The following CTC1 variants were observed in gnomAD, a reference collection of about 807,000 sequenced individuals.
CTC1 encodes the protein CST complex subunit CTC1.
In CTC1, 91 loss-of-function variants were observed where a neutral mutation model predicts 136.3. The ratio of observed to expected loss-of-function variants is 0.67; its 90% CI spans 0.56 to 0.79. CTC1 has a LOEUF of 0.79. CTC1 is among the 30% of genes least tolerant of loss of function. The pLI is 0.00. For missense variants in CTC1, 1,432 were observed against 1,498.1 expected (o/e 0.96, Z 0.73); for synonymous variants, 606 against 613.8 (o/e 0.99, Z 0.19).
Position 8,230,335 on chromosome 17 carries a change from T to G in CTC1, c.2892A>C (p.Gly964=). 1 of 1,613,898 alleles carries G rather than the reference T, an allele frequency of 6.2e-7. No individual in the cohort carries two copies. Among genetic ancestry groups the G allele is most frequent in the Non-Finnish European group, 8.5e-7 (1 of 1,179,954 alleles). The change falls in exon 17 of 23, where the codon GGA becomes GGC. Residue 964 remains glycine (G), a synonymous_variant. Coordinates refer to ENST00000651323, the MANE Select transcript of CTC1 (RefSeq NM_025099.6). Reference sequence around the variant, plus strand: ...CCAACTGGCTGAAGTGGACCCGGGCTCCTGGAAGTAGTCCTAGTGAGGGAG... The same window carrying G: ...CCAACTGGCTGAAGTGGACCCGGGCGCCTGGAAGTAGTCCTAGTGAGGGAG... ...HLPPSLGLLP[G]ARVHFSQLEK...
chr17:8,237,298 C>G (rs1324650416), intron 5 of CTC1, 77 bp downstream of exon 5: 23 of 1,542,238 alleles, frequency 1.5e-5, no homozygotes, highest in Non-Finnish European at 2.1e-5. Flanking sequence ...CATGGCTCCT[C>G]CTATGATGCT....
chr17:8,229,758 A>C, intron 18 of CTC1, 133 bp downstream of exon 18: 1 of 723,664 alleles, frequency 1.4e-6, no homozygotes, highest in Non-Finnish European at 2.4e-6. Context: ...GGAGTAGAGA[A>C]GCTCCTCTGA....
chr17:8,234,573 A>G lies in CTC1; in HGVS notation c.1700T>C (p.Phe567Ser), dbSNP rs2151517400. 6.2e-7 allele frequency: 1 copy of G among 1,603,290 alleles called. No homozygotes were observed. The highest frequency in any genetic ancestry group is 1.3e-5 in the African/African-American group (1 of 74,958). Residue 567 changes from phenylalanine (F) to serine (S), a missense_variant, in exon 10 of 23, where the codon TTT (phenylalanine) becomes TCT (serine). Phe to Ser is a radical substitution (Grantham distance 155, BLOSUM62 -2). Transcript: ENST00000651323. ...GAGGGGCAGAAGGGCCTTAGGGTCA[A>G]AGGAGGCCCAGGCCTTACGCTGTCC... ...EEGQRKAWAS[F>S]DPKALLPLPE...
At position 8,237,377 on chromosome 17, in the gene CTC1, G is replaced by A. The variant is rs1987819153; in HGVS notation, c.790C>T (p.Gln264Ter). The stretch of plus-strand genomic sequence containing the variant: ...GCTGAAATGACCCCAGTCCTCACCT[G>A]CACGATGATGGACACGTGGGTGACA... The part of the protein sequence containing the change: ...PAVTHVSIIV[Q>*]VPAQLVWHRA... Residue 264 changes from glutamine (Q) to a stop codon, truncating the protein, a stop_gained and splice_region_variant, in exon 5 of 23, where the codon CAG (glutamine) becomes TAG (stop). Transcript: ENST00000651323. LOFTEE classifies it high-confidence loss of function. 1 of 1,613,986 alleles carries A rather than the reference G, an allele frequency of 6.2e-7. No homozygotes were observed. Among genetic ancestry groups the A allele is most frequent in the Non-Finnish European group, 8.5e-7 (1 of 1,179,996 alleles).
intron 18 of CTC1, 109 bp from the exon 19 acceptor site, chr17:8,229,555 C>T (rs1157194026): frequency 2.2e-6 from 2 of 906,908 alleles, no homozygotes; most frequent in Non-Finnish European, 3.5e-6. Flanking sequence ...AGGATGGGGA[C>T]AGCAGTGGGT....
At chr17:8,235,663 T>C (rs1987651566) in intron 7 of CTC1, among the ~76,000 whole-genome samples, 168 bp downstream of exon 7, 1 of 152,206 alleles carries the variant, frequency 6.6e-6, no homozygotes, top group Admixed American at 6.5e-5. Flanking sequence ...AAGACTCTAC[T>C]CCTTTTTATT....
Position 8,235,949 on chromosome 17 carries a change from G to C in CTC1, c.1088C>G (p.Thr363Ser), listed in dbSNP as rs766468413. ...SRLLSYSGAV[T>S]GVLNEPAGLY... Reference sequence around the variant, plus strand: ...GCCAGCGGGCTCATTCAACACGCCAGTGACTGCTCCCTGCAAACAGGCCGA... The same window carrying C: ...GCCAGCGGGCTCATTCAACACGCCACTGACTGCTCCCTGCAAACAGGCCGA... Residue 363 changes from threonine (T) to serine (S), a missense_variant, in exon 7 of 23, where the codon ACT becomes AGT. Thr to Ser is a moderately conservative substitution (Grantham distance 58, BLOSUM62 1). Coordinates refer to ENST00000651323, the MANE Select transcript of CTC1 (RefSeq NM_025099.6). The C allele has an allele frequency of 3.1e-6, 5 of 1,607,498 alleles. No individual in the cohort carries two copies. The highest frequency in any genetic ancestry group is 4.3e-6 in the Non-Finnish European group (5 of 1,174,888).
Position 8,235,254 on chromosome 17 carries a change from C to T in CTC1, c.1238G>A (p.Gly413Glu). 1 of 1,614,028 alleles carries T rather than the reference C, an allele frequency of 6.2e-7. No individual in the cohort carries two copies. The highest frequency in any genetic ancestry group is 8.5e-7 in the Non-Finnish European group (1 of 1,179,968). ...GAGCACTGGCCTTCTTGTCCCCCCT[C>T]CCACTGACTGGAGCAGGTGAACATC... is the stretch of plus-strand genomic sequence containing the variant. ...LQDVHLLQSV[G>E]GGTRRPVLAP... The change falls in exon 8 of 23, where the codon GGA becomes GAA. Residue 413 changes from glycine (G) to glutamate (E), a missense_variant. By Grantham distance (98) the Gly-to-Glu change is moderately conservative. Transcript: ENST00000651323.
chr17:8,240,237 C>T (rs1259201286), intron 2 of CTC1, among the ~76,000 whole-genome samples: 2 of 151,678 alleles, frequency 1.3e-5, no homozygotes, highest in Non-Finnish European at 2.9e-5. Context: ...TCACTGCAAC[C>T]TCCGCCTGCC....
rs886053599 is a variant in CTC1, at chr17:8,226,638, G to A, written c.*1542C>T. The A allele has an allele frequency of 1.3e-5, 2 of 151,648 alleles. No homozygotes were observed. Among genetic ancestry groups the A allele is most frequent in the Non-Finnish European group, 2.9e-5 (2 of 68,032 alleles). 9.4% of individuals were successfully genotyped at this position (151,648 alleles called of 1,614,324 possible). The stretch of plus-strand genomic sequence containing the variant: ...AGTCGGCAGGATTCGAACCTGCGCG[G>A]GGAGACCCCAATGGATTTCTAGTCC... On this transcript the variant is annotated 3_prime_UTR_variant, in exon 23 of 23. Coordinates refer to ENST00000651323, the MANE Select transcript of CTC1 (RefSeq NM_025099.6).
intron 5 of CTC1, 131 bp from the exon 6 acceptor site, chr17:8,236,473 C>T (rs1309835069): frequency 2.3e-6 from 2 of 881,222 alleles, no homozygotes; most frequent in Non-Finnish European, 3.4e-6. Flanking sequence ...CTCCATCTTC[C>T]CTATGTCTGC....
chr17:8,231,845 T>A, intron 13 of CTC1, 30 bp from the exon 14 acceptor site: 1 of 1,613,770 alleles, frequency 6.2e-7, no homozygotes, highest in Non-Finnish European at 8.5e-7. Flanking sequence ...AGTGCTGGGA[T>A]CCTAGCCAGA....
intron 2 of CTC1, among the ~76,000 whole-genome samples, chr17:8,240,150 C>CTG (rs1416184363): frequency 9.1e-5 from 13 of 143,200 alleles, no homozygotes; most frequent in Non-Finnish European, 2.0e-4. Flanking sequence ...CCAGAGAGAA[C>CTG]TGTCTCTTTT....
chr17:8,229,579 A>G, intron 18 of CTC1, 133 bp from the exon 19 acceptor site: 1 of 738,896 alleles, frequency 1.4e-6, no homozygotes, highest in Non-Finnish European at 2.3e-6. Flanking sequence ...ATGCGCTCCT[A>G]GAAGCCCCAT....
intron 9 of CTC1, 43 bp from the exon 10 acceptor site, chr17:8,234,698 C>A (rs779802603): frequency 6.3e-7 from 1 of 1,585,136 alleles, no homozygotes; most frequent in Admixed American, 1.7e-5. Flanking sequence ...TCCCATGGGC[C>A]CCAGGTGTCC....
At chr17:8,237,183 A>C (rs1346542602) in intron 5 of CTC1, among the ~76,000 whole-genome samples, 192 bp downstream of exon 5, 1 of 152,156 alleles carries the variant, frequency 6.6e-6, no homozygotes, top group African/African-American at 2.4e-5. Flanking sequence ...TGAGTTGCAC[A>C]GCGGGAAAGT....
rs1335870783 is a variant in CTC1, at chr17:8,231,314, T to A, written c.2631A>T (p.Ser877=). 6 of 1,599,136 alleles carry A rather than the reference T, an allele frequency of 3.8e-6. No homozygotes were observed. In the South Asian group the frequency reaches 5.5e-5, roughly 15 times the overall value. The change falls in exon 15 of 23, where the codon TCA becomes TCT. Residue 877 remains serine, a synonymous_variant. Coordinates refer to ENST00000651323, the MANE Select transcript of CTC1 (RefSeq NM_025099.6). ...GGTCGGTCAGTGAGGATTCAGGCAA[T>A]GACTTGTTTGCATCCAGCACATCTT... ...DIQDVLDANK[S]LPESSLTDLL...
rs1291350645 is a variant in CTC1, at chr17:8,238,168, C to T, written c.510G>A (p.Arg170=). The T allele has an allele frequency of 6.2e-7, 1 of 1,614,074 alleles. No individual in the cohort carries two copies. Among genetic ancestry groups the T allele is most frequent in the Non-Finnish European group, 8.5e-7 (1 of 1,179,946 alleles). ...AGTGCCCTTCCCCTGAGGAATTCCA[C>T]CTGGCAGGAGGGAGGTAACTCCAAC... The part of the protein sequence containing the change: ...FPRWSYLPPA[R]WNSSGEGHLE... The change falls in exon 4 of 23, where the codon AGG becomes AGA. Residue 170 remains arginine, a synonymous_variant. Coordinates refer to ENST00000651323, the MANE Select transcript of CTC1 (RefSeq NM_025099.6).
Position 8,248,031 on chromosome 17 carries a change from C to A in CTC1, c.6G>T (p.Ala2=), listed in dbSNP as rs777656768. Residue 2 remains alanine (A), a synonymous_variant, in exon 1 of 23, where the codon GCG becomes GCT. Coordinates refer to ENST00000651323, the MANE Select transcript of CTC1 (RefSeq NM_025099.6). M[A]AGRAQVPSSE... ...AGGAAGGGACCTGGGCCCGGCCAGCCGCCATGATGCGCCGGAGCTCCGCCC... is the reference window on the plus strand; with the variant it reads ...AGGAAGGGACCTGGGCCCGGCCAGCAGCCATGATGCGCCGGAGCTCCGCCC... 1.2e-6 allele frequency: 2 copies of A among 1,606,884 alleles called. No individual in the cohort carries two copies. The highest frequency in any genetic ancestry group is 1.7e-6 in the Non-Finnish European group (2 of 1,176,636).
Sources: allele counts gnomAD v4.1 joint callset (sites outside exome capture counted in the v4.1 genomes callset), GRCh38; gene constraint gnomAD v4.1.1; transcripts MANE v1.5; gene names NCBI Gene and HGNC (gene_info 2026-07-23, HGNC 2026-07-21).